CNTNAP2: variants seen among roughly 807,000 people sequenced by gnomAD.
CNTNAP2 encodes the protein contactin-associated protein-like 2.
Under a neutral mutation model 155.2 loss-of-function variants are expected in CNTNAP2, and 98 were observed. The ratio of observed to expected loss-of-function variants is 0.63; its 90% CI spans 0.54 to 0.75. The LOEUF (loss-of-function observed/expected upper bound fraction) is 0.75, where lower values mean the gene tolerates loss of function less well. CNTNAP2 is among the 30% of genes least tolerant of loss of function. The probability of loss-of-function intolerance (pLI) is 0.00; values close to 1 mark genes in which losing one functional copy is unlikely to be tolerated. For missense variants in CNTNAP2, 1,727 were observed against 1,688.1 expected (o/e 1.02, Z -0.40); for synonymous variants, 651 against 631.2 (o/e 1.03, Z -0.47).
intron 1 of CNTNAP2, among the ~76,000 whole-genome samples, chr7:146,236,563 C>T (rs1375601257): frequency 6.6e-6 from 1 of 152,044 alleles, no homozygotes; most frequent in Non-Finnish European, 1.5e-5. Flanking sequence ...CTAGGTTGTG[C>T]TGCATACTAA....
At chr7:146,528,141 G>T (rs905426841) in intron 1 of CNTNAP2, among the ~76,000 whole-genome samples, 9 of 152,106 alleles carry the variant, frequency 5.9e-5, no homozygotes, top group African/African-American at 2.2e-4. Context: ...TTTCTTAAAA[G>T]GAGTAAATGA....
intron 6 of CNTNAP2, chr7:147,121,615 T>C (rs1276855391): frequency 1.3e-5 from 2 of 156,572 alleles, no homozygotes; most frequent in African/African-American, 2.4e-5. Flanking sequence ...GATGGGTCTT[T>C]TGACAAGCTC....
chr7:146,791,582 G>C (rs770739477), intron 2 of CNTNAP2, among the ~76,000 whole-genome samples: 1 of 152,194 alleles, frequency 6.6e-6, no homozygotes, highest in African/African-American at 2.4e-5. Flanking sequence ...CACACAGTCA[G>C]TGGTTATGAC....
Position 148,418,368 on chromosome 7 carries a change from A to G in CNTNAP2, c.*2752A>G, listed in dbSNP as rs947434308. The G allele has an allele frequency of 2.6e-5, 4 of 152,208 alleles. No individual in the cohort carries two copies. Among genetic ancestry groups the G allele is most frequent in the African/African-American group, 9.6e-5 (4 of 41,454 alleles). 9.4% of individuals were successfully genotyped at this position (152,208 alleles called of 1,614,324 possible). A position where few individuals can be genotyped will look rare whatever the true frequency, so the allele number is the denominator to read the frequency against. ...ACATCTCACAAAATCTTGACATCTT[A>G]CATTCCAATACATTATCAAGCAAGC... On this transcript the variant is annotated 3_prime_UTR_variant, in exon 24 of 24. Coordinates refer to ENST00000361727, the MANE Select transcript of CNTNAP2 (RefSeq NM_014141.6).
intron 13 of CNTNAP2, among the ~76,000 whole-genome samples, chr7:147,646,447 T>G (rs891279218): frequency 6.6e-6 from 1 of 152,186 alleles, no homozygotes; most frequent in Non-Finnish European, 1.5e-5. Flanking sequence ...TCCTTGAAAT[T>G]TTCTTAAACA....
chr7:147,877,658 T>G (rs1487445448), intron 13 of CNTNAP2, among the ~76,000 whole-genome samples: 5 of 152,206 alleles, frequency 3.3e-5, no homozygotes, highest in Non-Finnish European at 7.3e-5. Context: ...CTTTGTTAAA[T>G]GAACACCTGA....
At chr7:147,156,845 T>A (rs1005648473) in intron 8 of CNTNAP2, among the ~76,000 whole-genome samples, 1 of 152,158 alleles carries the variant, frequency 6.6e-6, no homozygotes, top group Non-Finnish European at 1.5e-5. Context: ...AGGAGATTGT[T>A]ACTTTTACCT....
intron 1 of CNTNAP2, among the ~76,000 whole-genome samples, chr7:146,485,305 G>A (rs1402398046): frequency 6.6e-6 from 1 of 152,198 alleles, no homozygotes; most frequent in Non-Finnish European, 1.5e-5. Context: ...GGCAGGCTGG[G>A]AGGGAGGATG....
chr7:147,698,262 A>AGGAGTTTATACTTTATTTTTCAGTTAT (rs1196027263), intron 13 of CNTNAP2, among the ~76,000 whole-genome samples: 1 of 152,204 alleles, frequency 6.6e-6, no homozygotes, highest in Non-Finnish European at 1.5e-5. Context: ...ATCAGAAATC[A>AGGAGTTTATACTTTATTTTTCAGTTAT]GGAGTTTATA....
intron 1 of CNTNAP2, among the ~76,000 whole-genome samples, chr7:146,491,180 A>G (rs993351639): frequency 2.0e-5 from 3 of 152,206 alleles, no homozygotes; most frequent in Admixed American, 6.5e-5. Flanking sequence ...TCCATGTACA[A>G]CTAAATCATT....
At chr7:146,857,210 G>A (rs1378397880) in intron 3 of CNTNAP2, among the ~76,000 whole-genome samples, 1 of 150,528 alleles carries the variant, frequency 6.6e-6, no homozygotes, top group African/African-American at 2.5e-5. Context: ...GGAGAGAGAA[G>A]GAGAGGGAGA....
At chr7:146,348,005 A>G (rs1167646037) in intron 1 of CNTNAP2, among the ~76,000 whole-genome samples, 1 of 152,224 alleles carries the variant, frequency 6.6e-6, no homozygotes, top group Admixed American at 6.5e-5. Context: ...GAGACTAAAC[A>G]AAAATCTGTG....
At chr7:147,741,195 T>A (rs2116486689) in intron 13 of CNTNAP2, among the ~76,000 whole-genome samples, 1 of 152,344 alleles carries the variant, frequency 6.6e-6, no homozygotes, top group Non-Finnish European at 1.5e-5. Context: ...GCCGCAGCAC[T>A]GTCTGCTATG....
At chr7:147,694,535 T>C (rs1796134993) in intron 13 of CNTNAP2, among the ~76,000 whole-genome samples, 2 of 152,194 alleles carry the variant, frequency 1.3e-5, no homozygotes, top group African/African-American at 2.4e-5. Flanking sequence ...GATACAGGCC[T>C]ATTCAGATTG....
chr7:147,756,911 G>C (rs1797220199), intron 13 of CNTNAP2, among the ~76,000 whole-genome samples: 1 of 152,162 alleles, frequency 6.6e-6, no homozygotes, highest in Non-Finnish European at 1.5e-5. Context: ...GAACATTAAA[G>C]TTCCAGAATA....
intron 16 of CNTNAP2, among the ~76,000 whole-genome samples, chr7:148,143,476 C>G (rs938034464): frequency 6.6e-6 from 1 of 152,060 alleles, no homozygotes; most frequent in Admixed American, 6.6e-5. Flanking sequence ...CCCACGATTT[C>G]GAGATGAGCC....
intron 15 of CNTNAP2, among the ~76,000 whole-genome samples, chr7:148,107,467 C>T (rs942473473): frequency 6.6e-6 from 1 of 152,190 alleles, no homozygotes; most frequent in East Asian, 1.9e-4. Context: ...AGAAATGCTG[C>T]AGAGAGAGTG....
intron 14 of CNTNAP2, among the ~76,000 whole-genome samples, chr7:147,926,829 A>G (rs1800406559): frequency 6.6e-6 from 1 of 152,214 alleles, no homozygotes; most frequent in Non-Finnish European, 1.5e-5. Flanking sequence ...TGATAATACA[A>G]TGGAGTTATT....
At chr7:146,608,471 A>T (rs200125887) in intron 1 of CNTNAP2, among the ~76,000 whole-genome samples, 1 of 152,188 alleles carries the variant, frequency 6.6e-6, no homozygotes, top group African/African-American at 2.4e-5. Context: ...TTTTTTATTC[A>T]GTTAATAATG....
Sources: gnomAD v4.1 joint callset for allele counts (sites outside exome capture counted in the v4.1 genomes callset) on GRCh38, gnomAD v4.1.1 for gene constraint, MANE v1.5 for transcripts, NCBI Gene and HGNC (gene_info 2026-07-23, HGNC 2026-07-21) for gene names.